FBXO32: variants seen among roughly 807,000 people sequenced by gnomAD.
FBXO32 encodes F-box protein 32.
Under a neutral mutation model 48.3 loss-of-function variants are expected in FBXO32, and 15 were observed. The observed-to-expected ratio is 0.31, with a 90% CI of 0.21 to 0.48. The LOEUF (loss-of-function observed/expected upper bound fraction) is 0.48, where lower values mean the gene tolerates loss of function less well. FBXO32 is among the 20% of genes least tolerant of loss of function. The pLI, the probability that FBXO32 is intolerant of heterozygous loss-of-function variation, is 0.99. For missense variants in FBXO32, 309 were observed against 432.7 expected (o/e 0.71, Z 2.54); for synonymous variants, 154 against 165.9 (o/e 0.93, Z 0.55).
At position 123,513,216 on chromosome 8, in the gene FBXO32, G is replaced by A. The variant is rs1460927356; in HGVS notation, c.633C>T (p.Asn211=). The A allele has an allele frequency of 6.2e-6, 10 of 1,613,938 alleles. No homozygotes were observed. Among genetic ancestry groups the A allele is most frequent in the African/African-American group, 1.3e-5 (1 of 74,898 alleles). ...CGCTTACCCTGGTGATCTGAATGTT[G>A]TTCAGCTGCTGCTGCCAGTGGAGAA... ...ETILHWQQQL[N]NIQITRPAFK... The change falls in exon 6 of 9, where the codon AAC becomes AAT. Residue 211 remains asparagine (N), a synonymous_variant. Transcript: ENST00000517956. The surrounding 1 kb of genome is among the most constrained non-coding windows in gnomAD (Gnocchi z 4.3).
intron 3 of FBXO32, among the ~76,000 whole-genome samples, chr8:123,532,413 C>A (rs1420085637): frequency 6.6e-6 from 1 of 152,234 alleles, no homozygotes. Context: ...TGTGTCACCA[C>A]CTTGCCTTAT....
At chr8:123,526,450 C>T (rs1331288817) in intron 4 of FBXO32, among the ~76,000 whole-genome samples, 2 of 152,038 alleles carry the variant, frequency 1.3e-5, no homozygotes, top group Non-Finnish European at 2.9e-5. Context: ...TGGTCTTGAG[C>T]TCCTGACCTC....
chr8:123,531,009 C>G (rs1363803700), intron 4 of FBXO32, among the ~76,000 whole-genome samples: 1 of 119,050 alleles, frequency 8.4e-6, no homozygotes, highest in African/African-American at 3.5e-5. Flanking sequence ...CATGGAGTCT[C>G]ACTCCTGTTG....
rs774208648 is a variant in FBXO32 at position 123,499,217 on chromosome 8, T to C, written c.*4156A>G. On this transcript the variant is annotated 3_prime_UTR_variant, in exon 9 of 9. Transcript: ENST00000517956. ...TAAAGTCTAGGGTAGGAGTTTCCAT[T>C]CTTTGGAAAACCAAAGATGGTTACT... 2.6e-5 allele frequency: 4 copies of C among 152,254 alleles called. No homozygotes were observed. Among genetic ancestry groups the C allele is most frequent in the Non-Finnish European group, 5.9e-5 (4 of 68,046 alleles). 9.4% of individuals were successfully genotyped at this position (152,254 alleles called of 1,614,324 possible).
chr8:123,516,152 A>G (rs1399945432), intron 4 of FBXO32, among the ~76,000 whole-genome samples: 4 of 152,240 alleles, frequency 2.6e-5, no homozygotes, highest in Non-Finnish European at 2.9e-5. Flanking sequence ...GTGAGGACTC[A>G]GCAGAGTCCT....
Position 123,514,145 on chromosome 8 carries a change from G to A in FBXO32, c.466+95C>T, listed in dbSNP as rs575066729. On this transcript the variant is annotated intron_variant, in intron 5 of 8. Transcript: ENST00000517956. ...GTTATTCATTTCCATCCATTCACAT[G>A]TCTTTAAGTCTAATGACACGTCCAC... The A allele has an allele frequency of 2.7e-4, 219 of 808,024 alleles. 1 individual carries two copies. Among genetic ancestry groups the A allele is most frequent in the Non-Finnish European group, 3.9e-4 (201 of 513,020 alleles). 50.1% of individuals were successfully genotyped at this position (808,024 alleles called of 1,614,324 possible).
At chr8:123,507,928 G>A (rs944369367) in intron 6 of FBXO32, among the ~76,000 whole-genome samples, 1 of 152,170 alleles carries the variant, frequency 6.6e-6, no homozygotes, top group African/African-American at 2.4e-5. Flanking sequence ...AGCACAAAGC[G>A]CTGTGGGAAG....
intron 6 of FBXO32, among the ~76,000 whole-genome samples, chr8:123,510,470 G>A (rs559186660): frequency 5.9e-5 from 9 of 152,074 alleles, no homozygotes; most frequent in Non-Finnish European, 8.8e-5. Flanking sequence ...AAAATTAGCC[G>A]GGTGTGGTGG....
Position 123,531,891 on chromosome 8 carries a change from G to GACTT in FBXO32, c.372+3_372+6dup. ...CCTGGATGAGCCTTTAGGCACTTGAGACTTACCCGGACCACGTAGTTAAAT... is the reference window on the plus strand; with the variant it reads ...CCTGGATGAGCCTTTAGGCACTTGAGACTTACTTACCCGGACCACGTAGTTAAAT... On this transcript the variant is annotated splice_region_variant and intron_variant, in intron 4 of 8. Transcript: ENST00000517956. 1 of 1,614,006 alleles carries GACTT rather than the reference G, an allele frequency of 6.2e-7. No homozygotes were observed. Among genetic ancestry groups the GACTT allele is most frequent in the Non-Finnish European group, 8.5e-7 (1 of 1,179,976 alleles).
chr8:123,530,793 A>T (rs1817186475), intron 4 of FBXO32, among the ~76,000 whole-genome samples: 2 of 146,046 alleles, frequency 1.4e-5, no homozygotes, highest in Non-Finnish European at 3.0e-5. Context: ...TTTTTTTTGT[A>T]TTTTTAGTAG....
chr8:123,503,962 C>A (rs1023687073), intron 8 of FBXO32, among the ~76,000 whole-genome samples: 1 of 151,906 alleles, frequency 6.6e-6, no homozygotes, highest in Non-Finnish European at 1.5e-5. Flanking sequence ...GCCTGTAGTC[C>A]CAGATACTCG....
intron 1 of FBXO32, among the ~76,000 whole-genome samples, chr8:123,539,562 T>G (rs1276180312): frequency 6.6e-6 from 1 of 152,214 alleles, no homozygotes; most frequent in Non-Finnish European, 1.5e-5. Flanking sequence ...TGCTGGTGGT[T>G]AATACGCTCA....
Position 123,500,008 on chromosome 8 carries a change from C to CTGA in FBXO32, c.*3362_*3364dup, listed in dbSNP as rs1337227081. On this transcript the variant is annotated 3_prime_UTR_variant, in exon 9 of 9. Transcript: ENST00000517956. ...TCATTAAACAAAAATCATCTCACAA[C>CTGA]TGATACATTGGGGATGCTTTCACCT... is the stretch of plus-strand genomic sequence containing the variant. 6.6e-6 allele frequency: 1 copy of CTGA among 152,234 alleles called. No individual in the cohort carries two copies. The highest frequency in any genetic ancestry group is 1.5e-5 in the Non-Finnish European group (1 of 68,044). The allele number at this position is 152,234 out of a possible 1,614,324, so 9.4% of individuals were successfully genotyped here.
intron 7 of FBXO32, among the ~76,000 whole-genome samples, chr8:123,505,463 C>T (rs1189608930): frequency 7.4e-5 from 11 of 148,600 alleles, no homozygotes; most frequent in South Asian, 2.1e-4. Flanking sequence ...ACACAGGGTG[C>T]GGTGGCTCAC....
intron 2 of FBXO32, 120 bp from the exon 3 acceptor site, chr8:123,533,360 G>T: frequency 1.3e-6 from 1 of 769,588 alleles, no homozygotes; most frequent in Non-Finnish European, 2.1e-6. Context: ...GGAGTCTACT[G>T]ACAACTGAAG....
intron 4 of FBXO32, among the ~76,000 whole-genome samples, chr8:123,515,546 G>A (rs1018467168): frequency 2.0e-5 from 3 of 151,204 alleles, no homozygotes; most frequent in South Asian, 2.1e-4. Flanking sequence ...ACCGCGCCCC[G>A]CCAGTTTGTT....
At chr8:123,505,533 C>G (rs1187284321) in intron 7 of FBXO32, among the ~76,000 whole-genome samples, 1 of 151,958 alleles carries the variant, frequency 6.6e-6, no homozygotes. Context: ...GTCAGGAGTT[C>G]AAGACCAGCC....
intron 3 of FBXO32, 84 bp from the exon 4 acceptor site, chr8:123,532,074 A>G (rs1485686250): frequency 2.5e-5 from 40 of 1,575,000 alleles, no homozygotes; most frequent in South Asian, 1.6e-4. Context: ...GAACAACCCA[A>G]CTGGATTTTG....
At chr8:123,514,132 C>T (rs1221656413) in intron 5 of FBXO32, 108 bp downstream of exon 5, 20 of 721,128 alleles carry the variant, frequency 2.8e-5, no homozygotes, top group Non-Finnish European at 2.3e-6. Context: ...TATTCATTTC[C>T]ATCCATTCAC....
Sources: gnomAD v4.1 joint callset for allele counts (sites outside exome capture counted in the v4.1 genomes callset) on GRCh38, gnomAD v4.1.1 for gene constraint, Gnocchi (gnomAD v3.1) non-coding constraint, MANE v1.5 for transcripts, NCBI Gene and HGNC (gene_info 2026-07-23, HGNC 2026-07-21) for gene names.